ASAP1: variants seen among roughly 807,000 people sequenced by gnomAD.
ASAP1 encodes the protein arf-GAP with SH3 domain, ANK repeat and PH domain-containing protein 1.
A neutral mutation model predicts 145.2 loss-of-function variants in ASAP1; 43 were observed. The ratio of observed to expected loss-of-function variants is 0.30; its 90% CI spans 0.23 to 0.38. The LOEUF is 0.38. Among genes scored for constraint, ASAP1 ranks in the 10% least tolerant of loss-of-function variants. The pLI is 1.00. For missense variants in ASAP1, 1,018 were observed against 1,355.3 expected (o/e 0.75, Z 3.91); for synonymous variants, 546 against 515.5 (o/e 1.06, Z -0.80).
chr8:130,337,187 T>A (rs1432825307), intron 3 of ASAP1, among the ~76,000 whole-genome samples: 1 of 152,216 alleles, frequency 6.6e-6, no homozygotes, highest in Non-Finnish European at 1.5e-5. Context: ...CAAAAATATT[T>A]TAAAAGATGT....
intron 3 of ASAP1, among the ~76,000 whole-genome samples, chr8:130,241,368 C>A (rs765039258): frequency 6.6e-6 from 1 of 152,060 alleles, no homozygotes; most frequent in South Asian, 2.1e-4. Flanking sequence ...TTTGCTTTTA[C>A]GGTATTTTTC....
intron 5 of ASAP1, among the ~76,000 whole-genome samples, chr8:130,194,601 G>GT (rs1264464785): frequency 2.0e-5 from 3 of 152,176 alleles, no homozygotes; most frequent in Non-Finnish European, 2.9e-5. Flanking sequence ...GTGGAAGACA[G>GT]TTTTTCTACA....
intron 3 of ASAP1, among the ~76,000 whole-genome samples, chr8:130,300,198 A>T (rs1822578814): frequency 1.3e-5 from 2 of 148,174 alleles, no homozygotes; most frequent in Admixed American, 1.4e-4. Context: ...CGAGCGAGCG[A>T]GCAGTCAATA....
chr8:130,108,732 T>C (rs1564967510), intron 24 of ASAP1, among the ~76,000 whole-genome samples: 1 of 142,776 alleles, frequency 7.0e-6, no homozygotes, highest in African/African-American at 2.6e-5. Context: ...AAAAAGAAAC[T>C]AATCTTGGCA....
intron 4 of ASAP1, among the ~76,000 whole-genome samples, chr8:130,217,506 GTA>G (rs1208459766): frequency 1.4e-5 from 2 of 145,130 alleles, no homozygotes; most frequent in African/African-American, 5.1e-5. Context: ...TATTATATGT[GTA>G]TATATGTGTA....
chr8:130,290,162 T>C (rs896160803), intron 3 of ASAP1, among the ~76,000 whole-genome samples: 6 of 152,170 alleles, frequency 3.9e-5, no homozygotes, highest in Non-Finnish European at 7.4e-5. Context: ...AAATGAAATA[T>C]AATACTGAAT....
intron 1 of ASAP1, among the ~76,000 whole-genome samples, chr8:130,424,393 G>A (rs1829833922): frequency 6.6e-6 from 1 of 152,198 alleles, no homozygotes; most frequent in Non-Finnish European, 1.5e-5. Flanking sequence ...ATGTAGACAA[G>A]CCTCGGAGAG....
chr8:130,224,245 G>A (rs918008894), intron 4 of ASAP1, among the ~76,000 whole-genome samples: 3 of 152,142 alleles, frequency 2.0e-5, no homozygotes, highest in African/African-American at 7.2e-5. Context: ...AATACAGTGA[G>A]CTATAATGTA....
chr8:130,384,114 C>T (rs1827903676), intron 2 of ASAP1, among the ~76,000 whole-genome samples: 1 of 152,146 alleles, frequency 6.6e-6, no homozygotes, highest in African/African-American at 2.4e-5. Flanking sequence ...AACATCCCAC[C>T]CTTGCATGGC....
rs546845919 is a variant in ASAP1, at chr8:130,313,630, A to G, written c.186+44387T>C. ...AGTGGAACACATAATCAACGTCCTC[A>G]CAGAAAAGCAGACGTTTCAGCTACA... On this transcript the variant is annotated intron_variant, in intron 3 of 29. Transcript: ENST00000518721. 3.9e-5 allele frequency among the ~76,000 whole-genome samples: 6 copies of G among 152,318 alleles called. No homozygotes were observed. In the East Asian group the frequency reaches 1.2e-3, roughly 29 times the overall value.
intron 5 of ASAP1, among the ~76,000 whole-genome samples, chr8:130,209,084 A>T (rs1347245562): frequency 1.3e-5 from 2 of 152,200 alleles, no homozygotes; most frequent in Admixed American, 1.3e-4. Flanking sequence ...GGCTATTAAT[A>T]CCATAGTAAT....
chr8:130,195,850 C>T (rs1815449312), intron 5 of ASAP1, among the ~76,000 whole-genome samples: 1 of 152,232 alleles, frequency 6.6e-6, no homozygotes, highest in Non-Finnish European at 1.5e-5. Flanking sequence ...ACTTCATAAA[C>T]AGTTTTCCCT....
chr8:130,059,409 C>G (rs1016594184), intron 28 of ASAP1, among the ~76,000 whole-genome samples: 1 of 152,022 alleles, frequency 6.6e-6, no homozygotes, highest in South Asian at 2.1e-4. Context: ...AAGGGAACCT[C>G]GCACTTTGGC....
intron 2 of ASAP1, among the ~76,000 whole-genome samples, chr8:130,399,013 A>C (rs911007866): frequency 6.6e-6 from 1 of 152,240 alleles, no homozygotes; most frequent in African/African-American, 2.4e-5. Flanking sequence ...TTGCCGCAAA[A>C]TGTAGCCAGA....
At chr8:130,354,028 A>G (rs1826157153) in intron 3 of ASAP1, among the ~76,000 whole-genome samples, 1 of 151,952 alleles carries the variant, frequency 6.6e-6, no homozygotes, top group Admixed American at 6.5e-5. Flanking sequence ...CTGGGACTAC[A>G]AGGCGCCTGA....
intron 3 of ASAP1, among the ~76,000 whole-genome samples, chr8:130,305,032 G>A (rs541230643): frequency 1.3e-5 from 2 of 151,982 alleles, no homozygotes; most frequent in South Asian, 2.1e-4. Context: ...TTGTTGTTTC[G>A]TGAATGTGTC....
At chr8:130,434,841 A>G (rs1349003016) in intron 1 of ASAP1, among the ~76,000 whole-genome samples, 1 of 152,208 alleles carries the variant, frequency 6.6e-6, no homozygotes, top group Non-Finnish European at 1.5e-5. Context: ...GACAGGAAGC[A>G]GGTCAGCTCC....
chr8:130,363,938 G>C (rs1826830862), intron 2 of ASAP1, among the ~76,000 whole-genome samples: 1 of 152,040 alleles, frequency 6.6e-6, no homozygotes, highest in African/African-American at 2.4e-5. Flanking sequence ...GGAGGGAGGG[G>C]GCTGTACTTG....
At chr8:130,402,015 A>T in intron 1 of ASAP1, 45 bp from the exon 2 acceptor site, 1 of 1,300,172 alleles carries the variant, frequency 7.7e-7, no homozygotes, top group Non-Finnish European at 1.1e-6. Context: ...TCATCCGGTG[A>T]AACTGGGCAG....
Sources: allele counts gnomAD v4.1 joint callset (sites outside exome capture counted in the v4.1 genomes callset), GRCh38; gene constraint gnomAD v4.1.1; transcripts MANE v1.5; gene names NCBI Gene and HGNC (gene_info 2026-07-23, HGNC 2026-07-21).